WASHC5: variants seen among roughly 807,000 people sequenced by gnomAD.
WASHC5 encodes the protein WASH complex subunit 5, also known as WASH complex subunit strumpellin.
Under a neutral mutation model 150.4 loss-of-function variants are expected in WASHC5, and 101 were observed. That is an observed-to-expected ratio of 0.67 (90% CI 0.57 to 0.79). WASHC5 has a LOEUF of 0.79. Ranked by LOEUF, WASHC5 falls within the 30% of genes least tolerant of loss-of-function variation. The probability of loss-of-function intolerance (pLI) is 0.00; values close to 1 mark genes in which losing one functional copy is unlikely to be tolerated. For missense variants in WASHC5, 1,195 were observed against 1,396.3 expected (o/e 0.86, Z 2.30); for synonymous variants, 467 against 491.2 (o/e 0.95, Z 0.65).
At chr8:125,054,314 G>A (rs776267713) in intron 17 of WASHC5, among the ~76,000 whole-genome samples, 1 of 152,204 alleles carries the variant, frequency 6.6e-6, no homozygotes, top group East Asian at 1.9e-4. Flanking sequence ...AAAAGAATGA[G>A]ACTTAGAGCA....
At position 125,081,655 on chromosome 8, in the gene WASHC5, G is replaced by A. The variant is rs1415379081; in HGVS notation, c.518+6C>T. 3.2e-6 allele frequency: 5 copies of A among 1,556,650 alleles called. No individual in the cohort carries two copies. The highest frequency in any genetic ancestry group is 4.4e-6 in the Non-Finnish European group (5 of 1,128,976). On this transcript the variant is annotated splice_donor_region_variant and intron_variant, in intron 5 of 28. Transcript: ENST00000318410. ...TTTCGGAAGTGTAGTCCTAGCCCAG[G>A]AATACCTGTATCGGTAGTAAGAAAC... is the stretch of plus-strand genomic sequence containing the variant.
At chr8:125,031,914 G>A (rs1815550594) in intron 27 of WASHC5, among the ~76,000 whole-genome samples, 1 of 152,120 alleles carries the variant, frequency 6.6e-6, no homozygotes, top group Admixed American at 6.6e-5. Context: ...GGAGTGCAGG[G>A]GCTCGCTGAG....
intron 27 of WASHC5, among the ~76,000 whole-genome samples, chr8:125,030,957 A>G (rs754211747): frequency 2.0e-5 from 3 of 152,326 alleles, no homozygotes; most frequent in Middle Eastern, 3.4e-3. Context: ...GTTGCAAAGG[A>G]GGGAGACTGC....
At chr8:125,045,041 T>G (rs561306823) in intron 20 of WASHC5, 2 of 289,270 alleles carry the variant, frequency 6.9e-6, no homozygotes, top group Non-Finnish European at 1.3e-5. Context: ...TGTCTCTCTA[T>G]GCAGCCTTCC....
intron 28 of WASHC5, among the ~76,000 whole-genome samples, chr8:125,026,851 GGACTTGCCTAAGTCC>G (rs1355092026): frequency 6.6e-6 from 1 of 151,590 alleles, no homozygotes; most frequent in Non-Finnish European, 1.5e-5. Flanking sequence ...TTTTAAAAAA[GGACTTGCCTAAGTCC>G]TATGACATTT....
At chr8:125,036,515 A>G (rs1397897496) in intron 26 of WASHC5, among the ~76,000 whole-genome samples, 1 of 152,118 alleles carries the variant, frequency 6.6e-6, no homozygotes, top group Non-Finnish European at 1.5e-5. Context: ...TACAAAAAAT[A>G]CAAAAAAATT....
intron 9 of WASHC5, among the ~76,000 whole-genome samples, chr8:125,068,724 A>G (rs1816819680): frequency 6.6e-6 from 1 of 152,196 alleles, no homozygotes; most frequent in African/African-American, 2.4e-5. Flanking sequence ...CTTCTTGTAG[A>G]GGCCAGAGGG....
chr8:125,050,733 A>G, intron 17 of WASHC5, 68 bp from the exon 18 acceptor site: 4 of 1,245,518 alleles, frequency 3.2e-6, no homozygotes, highest in Non-Finnish European at 4.7e-6. Flanking sequence ...TCCAGAGGAA[A>G]GATGGCTTTC....
In WASHC5 at chr8:125,024,559, T is replaced by C. The variant is rs1815317789; in HGVS notation, c.*58A>G. ...GAGTTTCTTTTCATCTTCAAATTCA[T>C]TTGTGATGGTGGGAAGATCTAAGGA... On this transcript the variant is annotated 3_prime_UTR_variant, in exon 29 of 29. Coordinates refer to ENST00000318410, the MANE Select transcript of WASHC5 (RefSeq NM_014846.4). 1.2e-5 allele frequency: 15 copies of C among 1,281,806 alleles called. No homozygotes were observed. Among genetic ancestry groups the C allele is most frequent in the Admixed American group, 8.4e-5 (5 of 59,306 alleles). 79.4% of individuals were successfully genotyped at this position (1,281,806 alleles called of 1,614,324 possible). A position where few individuals can be genotyped will look rare whatever the true frequency, so the allele number is the denominator to read the frequency against.
chr8:125,065,249 G>A (rs955330964), intron 10 of WASHC5, among the ~76,000 whole-genome samples: 2 of 152,186 alleles, frequency 1.3e-5, no homozygotes, highest in African/African-American at 2.4e-5. Flanking sequence ...GTAGGACAGA[G>A]GAAGCACAGG....
Position 125,083,951 on chromosome 8 carries a change from C to T in WASHC5, c.-53G>A, listed in dbSNP as rs1339798117. Reference sequence around the variant, plus strand: ...TGGACACTGGGGATGATTAACTGGCCTCAGAGCTGGTGTCTGTATATTATT... The same window carrying T: ...TGGACACTGGGGATGATTAACTGGCTTCAGAGCTGGTGTCTGTATATTATT... On this transcript the variant is annotated 5_prime_UTR_variant, in exon 2 of 29. Coordinates refer to ENST00000318410, the MANE Select transcript of WASHC5 (RefSeq NM_014846.4). The T allele has an allele frequency of 2.0e-6, 3 of 1,537,676 alleles. No individual in the cohort carries two copies. Among genetic ancestry groups the T allele is most frequent in the African/African-American group, 1.4e-5 (1 of 73,342 alleles).
chr8:125,078,218 C>T (rs935733244), intron 6 of WASHC5, among the ~76,000 whole-genome samples: 2 of 152,194 alleles, frequency 1.3e-5, no homozygotes, highest in Admixed American at 1.3e-4. Flanking sequence ...ATGATCTTCA[C>T]AGCCTTGCTC....
chr8:125,026,942 T>C (rs1416875063), intron 28 of WASHC5, among the ~76,000 whole-genome samples: 1 of 152,186 alleles, frequency 6.6e-6, no homozygotes, highest in African/African-American at 2.4e-5. Context: ...AGTAAACCTA[T>C]AAACTAGATA....
intron 6 of WASHC5, among the ~76,000 whole-genome samples, chr8:125,077,141 A>G (rs138439232): frequency 2.1e-3 from 324 of 152,332 alleles, no homozygotes; most frequent in Non-Finnish European, 3.6e-3. Flanking sequence ...TTGGATGCAC[A>G]AAGCACATAT....
chr8:125,039,821 C>G lies in WASHC5; in HGVS notation c.2928G>C (p.Leu976=), dbSNP rs771802610. The G allele has an allele frequency of 7.4e-5, 119 of 1,613,528 alleles. No individual in the cohort carries two copies. The highest frequency in any genetic ancestry group is 8.7e-5 in the Non-Finnish European group (103 of 1,179,612). ...TATTGAGATTCTCCAGAGCAGCTGC[C>G]AGATGTTTAGAATCAAACCGACAAG... ...NYSCRFDSKH[L]AAALENLNKA... The change falls in exon 24 of 29, where the codon CTG becomes CTC. Residue 976 remains leucine (L), a synonymous_variant. Coordinates refer to ENST00000318410, the MANE Select transcript of WASHC5 (RefSeq NM_014846.4).
intron 9 of WASHC5, 60 bp from the exon 10 acceptor site, chr8:125,067,779 G>A (rs906413803): frequency 1.3e-6 from 2 of 1,540,122 alleles, no homozygotes; most frequent in Non-Finnish European, 8.9e-7. Context: ...TATGAAATAA[G>A]ATAAATTATT....
rs143654828 is a variant in WASHC5, at chr8:125,059,459, G to T, written c.1605C>A (p.Ile535=). The change falls in exon 13 of 29, where the codon ATC becomes ATA. Residue 535 remains isoleucine, a synonymous_variant. Coordinates refer to ENST00000318410, the MANE Select transcript of WASHC5 (RefSeq NM_014846.4). ...ADTRKFLHQM[I]RTINIKEEVL... ...CCTCCTCTTTAATGTTAATGGTTCT[G>T]ATCATTTGATGAAGAAACTTTCGAG... The T allele has an allele frequency of 1.2e-6, 2 of 1,613,946 alleles. No individual in the cohort carries two copies. The highest frequency in any genetic ancestry group is 1.1e-5 in the South Asian group (1 of 91,072).
At chr8:125,060,725 C>T (rs1468120955) in intron 12 of WASHC5, among the ~76,000 whole-genome samples, 1 of 151,854 alleles carries the variant, frequency 6.6e-6, no homozygotes, top group Non-Finnish European at 1.5e-5. Context: ...GGTTTTTTCC[C>T]CCAAGGCACA....
intron 26 of WASHC5, 27 bp from the exon 27 acceptor site, chr8:125,032,421 T>C (rs1815570145): frequency 1.2e-6 from 2 of 1,612,838 alleles, no homozygotes; most frequent in Non-Finnish European, 8.5e-7. Context: ...TGCAACACCA[T>C]ATGAAGTACT....
Sources: gnomAD v4.1 joint callset for allele counts (sites outside exome capture counted in the v4.1 genomes callset) on GRCh38, gnomAD v4.1.1 for gene constraint, MANE v1.5 for transcripts, NCBI Gene and HGNC (gene_info 2026-07-23, HGNC 2026-07-21) for gene names.